Variants in FRZB observed in about 807,000 individuals in gnomAD.
FRZB encodes the protein frizzled related protein, also known as secreted frizzled-related protein 3.
FRZB carries 34 observed loss-of-function variants against 32.5 expected under a neutral mutation model. The ratio of observed to expected loss-of-function variants is 1.05; its 90% CI spans 0.80 to 1.39. FRZB has a LOEUF of 1.39. FRZB is among the 40% of genes most tolerant of loss of function. The pLI is 0.00. For missense variants in FRZB, 423 were observed against 424.8 expected (o/e 1.00, Z 0.04); for synonymous variants, 170 against 159.2 (o/e 1.07, Z -0.51).
chr2:182,848,478 C>A (rs1019367545), intron 2 of FRZB, among the ~76,000 whole-genome samples: 1 of 152,180 alleles, frequency 6.6e-6, no homozygotes, highest in Non-Finnish European at 1.5e-5. Context: ...GGAACACATT[C>A]CCTCTTCCCA....
chr2:182,849,224 C>T (rs1213156369), intron 2 of FRZB, among the ~76,000 whole-genome samples: 1 of 145,130 alleles, frequency 6.9e-6, no homozygotes, highest in Non-Finnish European at 1.5e-5. Flanking sequence ...AAGACTCCGT[C>T]TCAAAATAAA....
At chr2:182,840,024 CAT>C (rs1157248062) in intron 3 of FRZB, among the ~76,000 whole-genome samples, 19 of 152,212 alleles carry the variant, frequency 1.2e-4, no homozygotes, top group African/African-American at 4.3e-4. Context: ...GTACAACACA[CAT>C]GACAGAAATT....
chr2:182,842,595 G>T, intron 2 of FRZB, 52 bp from the exon 3 acceptor site: 1 of 1,447,886 alleles, frequency 6.9e-7, no homozygotes, highest in Non-Finnish European at 9.7e-7. Context: ...GCTTTCTTTT[G>T]TTTTGCTCAG....
chr2:182,857,934 G>A (rs1247147542), intron 2 of FRZB, among the ~76,000 whole-genome samples: 1 of 152,076 alleles, frequency 6.6e-6, no homozygotes, highest in African/African-American at 2.4e-5. Context: ...TTAGGGAAAT[G>A]CAATTTAAAA....
intron 2 of FRZB, among the ~76,000 whole-genome samples, chr2:182,847,495 A>T (rs1363825325): frequency 6.6e-6 from 1 of 152,224 alleles, no homozygotes; most frequent in Non-Finnish European, 1.5e-5. Context: ...AGGGTCCACT[A>T]AATTCAACTG....
At chr2:182,835,399 T>C (rs1350602606) in intron 5 of FRZB, among the ~76,000 whole-genome samples, 1 of 151,868 alleles carries the variant, frequency 6.6e-6, no homozygotes, top group Non-Finnish European at 1.5e-5. Context: ...CCTTTTAAAG[T>C]CTATGTGATT....
At chr2:182,863,296 T>G (rs185584785) in intron 1 of FRZB, among the ~76,000 whole-genome samples, 57 of 152,348 alleles carry the variant, frequency 3.7e-4, no homozygotes, top group Non-Finnish European at 6.3e-4. Context: ...AATGACTCAA[T>G]TGAGCTGAGT....
chr2:182,861,624 A>G lies in FRZB; in HGVS notation c.479-2791T>C, dbSNP rs908122673. Among the ~76,000 whole-genome samples the G allele has an allele frequency of 3.3e-4, 50 of 152,250 alleles. 1 individual carries two copies. The highest frequency in any genetic ancestry group is 2.4e-5 in the African/African-American group (1 of 41,470). ...AATTAATGGCAAATCTAGAATTCCAACTAAGGGCCTGTAACTCTAAAACTG... is the reference window on the plus strand; with the variant it reads ...AATTAATGGCAAATCTAGAATTCCAGCTAAGGGCCTGTAACTCTAAAACTG... On this transcript the variant is annotated intron_variant, in intron 1 of 5. Transcript: ENST00000295113.
intron 2 of FRZB, among the ~76,000 whole-genome samples, chr2:182,852,971 G>A (rs943762712): frequency 2.0e-5 from 3 of 152,176 alleles, no homozygotes; most frequent in African/African-American, 7.2e-5. Flanking sequence ...TTTGGAAAGA[G>A]GTCCTTATGT....
At position 182,834,562 on chromosome 2, in the gene FRZB, C is replaced by T. The variant is rs963020074; in HGVS notation, c.*287G>A. On this transcript the variant is annotated 3_prime_UTR_variant, in exon 6 of 6. Transcript: ENST00000295113. ...GACTCCAGCAAAGAGGCTCTGGTAA[C>T]AGCATGTTTAATTTATTATTATTGC... 15 of 381,180 alleles carry T rather than the reference C, an allele frequency of 3.9e-5. No homozygotes were observed. In the Admixed American group the frequency reaches 5.1e-4, roughly 13 times the overall value. The allele number at this position is 381,180 out of a possible 1,614,324, so 23.6% of individuals were successfully genotyped here. A position where few individuals can be genotyped will look rare whatever the true frequency, so the allele number is the denominator to read the frequency against.
rs1386564434 is a variant in FRZB at position 182,858,768 on chromosome 2, AGATAATGAT to A, written c.526+9_526+17del. Reference sequence around the variant, plus strand: ...ATCTGACCACAAATGAAAACCAGGAAGATAATGATATACTCACCACTGCTTGCCCCTCTA... The same window carrying A: ...ATCTGACCACAAATGAAAACCAGGAAATACTCACCACTGCTTGCCCCTCTA... On this transcript the variant is annotated intron_variant, in intron 2 of 5. Transcript: ENST00000295113. 1 of 1,584,520 alleles carries A rather than the reference AGATAATGAT, an allele frequency of 6.3e-7. No individual in the cohort carries two copies. The highest frequency in any genetic ancestry group is 1.1e-5 in the South Asian group (1 of 87,574).
intron 2 of FRZB, among the ~76,000 whole-genome samples, chr2:182,853,654 A>G (rs1695734082): frequency 6.6e-6 from 1 of 152,212 alleles, no homozygotes; most frequent in South Asian, 2.1e-4. Context: ...CAAACATATC[A>G]CCATGATAAG....
intron 5 of FRZB, among the ~76,000 whole-genome samples, chr2:182,836,240 T>C (rs1446770980): frequency 6.6e-6 from 1 of 151,950 alleles, no homozygotes; most frequent in African/African-American, 2.4e-5. Context: ...ATTCATCCAC[T>C]GAGAGCAAAA....
intron 1 of FRZB, among the ~76,000 whole-genome samples, chr2:182,864,017 C>G (rs1424636757): frequency 6.6e-6 from 1 of 152,192 alleles, no homozygotes; most frequent in Non-Finnish European, 1.5e-5. Flanking sequence ...ACCTATTTTT[C>G]TAGCAAGGAT....
intron 5 of FRZB, among the ~76,000 whole-genome samples, chr2:182,835,709 C>A (rs1388159735): frequency 1.3e-5 from 2 of 152,046 alleles, no homozygotes; most frequent in Non-Finnish European, 1.5e-5. Context: ...ACACGGATAT[C>A]ATATGGGGAA....
rs560879080 is a variant in FRZB, at chr2:182,846,963, G to C, written c.527-4420C>G. 6.8e-4 allele frequency among the ~76,000 whole-genome samples: 104 copies of C among 152,222 alleles called. 1 individual carries two copies. Among genetic ancestry groups the C allele is most frequent in the African/African-American group, 2.5e-3 (103 of 41,518 alleles). ...CCATTCTTCTGTAAATATGAGATGAGAAAGGGAAAGAGAACTAACATTTGT... is the reference window on the plus strand; with the variant it reads ...CCATTCTTCTGTAAATATGAGATGACAAAGGGAAAGAGAACTAACATTTGT... On this transcript the variant is annotated intron_variant, in intron 2 of 5. Coordinates refer to ENST00000295113, the MANE Select transcript of FRZB (RefSeq NM_001463.4).
chr2:182,838,336 C>A, intron 4 of FRZB, 73 bp downstream of exon 4: 1 of 1,250,514 alleles, frequency 8.0e-7, no homozygotes, highest in Non-Finnish European at 1.2e-6. Flanking sequence ...GCGAGGGTAG[C>A]ATCTCTAGAG....
chr2:182,858,163 G>A (rs932989088), intron 2 of FRZB, among the ~76,000 whole-genome samples: 8 of 152,122 alleles, frequency 5.3e-5, no homozygotes, highest in African/African-American at 1.4e-4. Flanking sequence ...TTAGCCTAGA[G>A]AAATAAAAAC....
chr2:182,835,793 A>T (rs1695518546), intron 5 of FRZB, among the ~76,000 whole-genome samples: 1 of 152,072 alleles, frequency 6.6e-6, no homozygotes, highest in African/African-American at 2.4e-5. Context: ...ACAAGCTCCC[A>T]GGTGATACCT....
Sources: gnomAD v4.1 joint callset for allele counts (sites outside exome capture counted in the v4.1 genomes callset) on GRCh38, gnomAD v4.1.1 for gene constraint, MANE v1.5 for transcripts, NCBI Gene and HGNC (gene_info 2026-07-23, HGNC 2026-07-21) for gene names.